ANTXR1: variants seen among roughly 807,000 people sequenced by gnomAD.
ANTXR1 encodes the protein ANTXR cell adhesion molecule 1.
In ANTXR1, 19 loss-of-function variants were observed where a neutral mutation model predicts 78.1. The observed-to-expected ratio is 0.24, with a 90% confidence interval of 0.17 to 0.36. The LOEUF (loss-of-function observed/expected upper bound fraction) is 0.36. ANTXR1 is among the 10% of genes least tolerant of loss of function. The probability of loss-of-function intolerance (pLI) is 1.00; values close to 1 mark genes in which losing one functional copy is unlikely to be tolerated. For synonymous variants in ANTXR1, 273 were observed against 260.5 expected (o/e 1.05, Z -0.46); for missense variants, 518 against 718.6 (o/e 0.72, Z 3.19).
chr2:69,069,526 G>A (rs565420762), intron 3 of ANTXR1, among the ~76,000 whole-genome samples: 6 of 152,338 alleles, frequency 3.9e-5, no homozygotes, highest in South Asian at 4.1e-4. Flanking sequence ...TTTCACTGAT[G>A]CCAGGTTCCC....
chr2:69,122,580 T>G (rs1222509715), intron 10 of ANTXR1, among the ~76,000 whole-genome samples: 2 of 150,730 alleles, frequency 1.3e-5, no homozygotes, highest in Non-Finnish European at 3.0e-5. Context: ...CTCAAGAGTT[T>G]TGTTTTTGTT....
intron 12 of ANTXR1, among the ~76,000 whole-genome samples, chr2:69,147,780 G>A (rs1055796912): frequency 1.3e-5 from 2 of 152,132 alleles, no homozygotes; most frequent in African/African-American, 4.8e-5. Flanking sequence ...GTATGTGGAG[G>A]TCTTGAGTGA....
At chr2:69,174,624 CAA>C (rs913750560) in intron 14 of ANTXR1, among the ~76,000 whole-genome samples, 2 of 142,228 alleles carry the variant, frequency 1.4e-5, no homozygotes, top group Non-Finnish European at 3.1e-5. Flanking sequence ...GACTCTATCT[CAA>C]AAAAAAAAAG....
intron 1 of ANTXR1, among the ~76,000 whole-genome samples, chr2:69,023,516 AGATGATGATGAT>A (rs893213627): frequency 1.2e-5 from 1 of 83,750 alleles, no homozygotes; most frequent in Non-Finnish European, 2.0e-5. Flanking sequence ...GTGGAGGTGG[AGATGATGATGAT>A]GATGATGATG....
chr2:69,239,688 A>G (rs1193995623), intron 17 of ANTXR1, among the ~76,000 whole-genome samples: 1 of 152,240 alleles, frequency 6.6e-6, no homozygotes, highest in Non-Finnish European at 1.5e-5. Flanking sequence ...CAGGTTTCAC[A>G]GTGAGTATGT....
intron 3 of ANTXR1, among the ~76,000 whole-genome samples, chr2:69,061,694 G>C (rs11891118): frequency 0.079 from 12,006 of 152,212 alleles, 965 homozygotes; most frequent in East Asian, 0.24. Flanking sequence ...GTGTCATATA[G>C]AGAGATGTGA....
At position 69,057,464 on chromosome 2, in the gene ANTXR1, A is replaced by G. The variant is rs61186065; in HGVS notation, c.296+12651A>G. Among the ~76,000 whole-genome samples the G allele has an allele frequency of 9.2e-3, 1,404 of 152,204 alleles. 19 individuals carry two copies. Among genetic ancestry groups the G allele is most frequent in the African/African-American group, 0.032 (1,313 of 41,514 alleles). ...TTTCAACCTTCATTATTATTATTAT[A>G]TCTGTTATGGTGATCTGTGATCAGT... On this transcript the variant is annotated intron_variant, in intron 3 of 17. Coordinates refer to ENST00000303714, the MANE Select transcript of ANTXR1 (RefSeq NM_032208.3).
At chr2:69,192,728 G>C (rs184358891) in intron 16 of ANTXR1, among the ~76,000 whole-genome samples, 5 of 152,272 alleles carry the variant, frequency 3.3e-5, no homozygotes, top group African/African-American at 9.6e-5. Flanking sequence ...ACTCTTCTCC[G>C]TTTCAGCCAA....
intron 13 of ANTXR1, among the ~76,000 whole-genome samples, chr2:69,166,719 A>G (rs1250459233): frequency 6.6e-6 from 1 of 151,488 alleles, no homozygotes; most frequent in Non-Finnish European, 1.5e-5. Flanking sequence ...CTAATGAGGA[A>G]GGCGCCAAAG....
intron 17 of ANTXR1, 80 bp downstream of exon 17, chr2:69,193,495 T>G: frequency 4.0e-6 from 4 of 1,002,940 alleles, no homozygotes; most frequent in Non-Finnish European, 5.7e-6. Context: ...ACACACATAT[T>G]CTTTTTCTCT....
Position 69,161,173 on chromosome 2 carries a change from C to A in ANTXR1, c.1047+8909C>A, listed in dbSNP as rs1392464363. ...ATGGATTTATTTTGCTGTTTCACTT[C>A]ACAGACTTTTGCAGTGACACTGGCA... On this transcript the variant is annotated intron_variant, in intron 13 of 17. Coordinates refer to ENST00000303714, the MANE Select transcript of ANTXR1 (RefSeq NM_032208.3). Among the ~76,000 whole-genome samples, 3 of 152,218 alleles carry A rather than the reference C, an allele frequency of 2.0e-5. No individual in the cohort carries two copies. In the East Asian group the frequency reaches 5.8e-4, roughly 29 times the overall value.
intron 17 of ANTXR1, among the ~76,000 whole-genome samples, chr2:69,210,241 C>A (rs1003638098): frequency 6.6e-6 from 1 of 152,206 alleles, no homozygotes; most frequent in Non-Finnish European, 1.5e-5. Context: ...TCTGTTCACC[C>A]CGTAATAATG....
chr2:69,149,451 TA>T (rs951745712), intron 12 of ANTXR1, among the ~76,000 whole-genome samples: 8 of 152,154 alleles, frequency 5.3e-5, no homozygotes, highest in Admixed American at 5.2e-4. Context: ...TAGAAGGAAG[TA>T]AAAAAATTCC....
intron 3 of ANTXR1, among the ~76,000 whole-genome samples, chr2:69,069,428 G>A (rs2104201303): frequency 1.3e-5 from 2 of 152,244 alleles, no homozygotes; most frequent in South Asian, 4.2e-4. Context: ...TAAGTGGATC[G>A]ATTGTATTTC....
chr2:69,111,223 C>T (rs1671969127), intron 10 of ANTXR1, among the ~76,000 whole-genome samples: 1 of 152,212 alleles, frequency 6.6e-6, no homozygotes, highest in Non-Finnish European at 1.5e-5. Context: ...TTCACACAAA[C>T]TGTATTTACT....
chr2:69,217,872 T>C (rs4343499), intron 17 of ANTXR1, among the ~76,000 whole-genome samples: 56,262 of 151,920 alleles, frequency 0.37, 11,649 homozygotes, highest in East Asian at 0.69. Flanking sequence ...TGAGAGAATG[T>C]CTGTCTCCTT....
intron 10 of ANTXR1, among the ~76,000 whole-genome samples, chr2:69,122,415 G>C (rs1672377280): frequency 6.6e-6 from 1 of 152,082 alleles, no homozygotes; most frequent in African/African-American, 2.4e-5. Context: ...GAACTCCTTA[G>C]GACCAGTCTA....
intron 13 of ANTXR1, among the ~76,000 whole-genome samples, chr2:69,160,275 G>A (rs748642353): frequency 6.6e-6 from 1 of 152,110 alleles, no homozygotes; most frequent in Non-Finnish European, 1.5e-5. Context: ...TCCTTTGTGG[G>A]CTGCCTGATA....
chr2:69,164,306 C>CT (rs2104444886), intron 13 of ANTXR1, among the ~76,000 whole-genome samples: 1 of 152,322 alleles, frequency 6.6e-6, no homozygotes, highest in Admixed American at 6.5e-5. Context: ...GCAGTTGGGA[C>CT]TTTCAGCATC....
Sources: gnomAD v4.1 joint callset for allele counts (sites outside exome capture counted in the v4.1 genomes callset) on GRCh38, gnomAD v4.1.1 for gene constraint, MANE v1.5 for transcripts, NCBI Gene and HGNC (gene_info 2026-07-23, HGNC 2026-07-21) for gene names.